The following ENPP3 variants were observed in gnomAD, a reference collection of about 807,000 sequenced individuals.
ENPP3 encodes the protein ectonucleotide pyrophosphatase/phosphodiesterase 3, also known as ectonucleotide pyrophosphatase/phosphodiesterase family member 3.
In ENPP3, 104 loss-of-function variants were observed where a neutral mutation model predicts 117.8. The ratio of observed to expected loss-of-function variants is 0.88; its 90% CI spans 0.75 to 1.04. ENPP3 has a LOEUF of 1.04. Among genes scored for constraint, ENPP3 ranks in the 50% least tolerant of loss-of-function variants. The pLI is 0.00. For synonymous variants in ENPP3, 380 were observed against 349.9 expected (o/e 1.09, Z -0.96); for missense variants, 1,026 against 1,051.9 (o/e 0.98, Z 0.34).
intron 2 of ENPP3, among the ~76,000 whole-genome samples, chr6:131,641,997 AT>A (rs1295071491): frequency 1.3e-5 from 2 of 151,026 alleles, no homozygotes; most frequent in African/African-American, 4.9e-5. Flanking sequence ...GTTTCACTAC[AT>A]TGCCCAGGCT....
At chr6:131,726,226 T>C (rs746801311) in intron 20 of ENPP3, 26 bp downstream of exon 20, 14 of 1,597,540 alleles carry the variant, frequency 8.8e-6, no homozygotes, top group Non-Finnish European at 9.4e-6. Context: ...CATTGATCCA[T>C]GCAGGCAAGA....
chr6:131,701,994 C>T (rs538168354), intron 15 of ENPP3, among the ~76,000 whole-genome samples: 117 of 151,718 alleles, frequency 7.7e-4, no homozygotes, highest in Non-Finnish European at 1.3e-3. Context: ...ATAAACATGT[C>T]ACATATTAAT....
At chr6:131,678,907 CTCTTTCTTTCTTTCTTTCTTTCTTTCTT>C (rs60304793) in intron 11 of ENPP3, among the ~76,000 whole-genome samples, 827 of 71,726 alleles carry the variant, frequency 0.012, 49 homozygotes, top group African/African-American at 0.041. Flanking sequence ...CTTTCTTTCT[CTCTTTCTTTCTTTCTTTCTTTCTTTCTT>C]TCTTTCTTTC....
chr6:131,730,437 C>T (rs1309421751), intron 20 of ENPP3, among the ~76,000 whole-genome samples: 1 of 152,162 alleles, frequency 6.6e-6, no homozygotes, highest in East Asian at 1.9e-4. Context: ...TTAGCACAAA[C>T]GTCTTCGTAT....
In ENPP3 at chr6:131,746,926, A is replaced by G. The variant is rs779911240; in HGVS notation, c.2598A>G (p.Thr866=). The stretch of plus-strand genomic sequence containing the variant: ...TCTCTGAAATTTTGCAACTAAAGAC[A>G]TATTTACCAACATTTGAAACCACTA... The part of the protein sequence containing the change: ...QPVSEILQLK[T]YLPTFETTI The change falls in exon 25 of 25, where the codon ACA becomes ACG. Residue 866 remains threonine, a synonymous_variant. Transcript: ENST00000357639. 2 of 1,606,892 alleles carry G rather than the reference A, an allele frequency of 1.2e-6. No individual in the cohort carries two copies. Among genetic ancestry groups the G allele is most frequent in the Admixed American group, 3.4e-5 (2 of 59,376 alleles).
At chr6:131,684,146 G>T (rs1779095839) in intron 12 of ENPP3, among the ~76,000 whole-genome samples, 1 of 152,150 alleles carries the variant, frequency 6.6e-6, no homozygotes, top group Non-Finnish European at 1.5e-5. Flanking sequence ...CTGTCTTCTT[G>T]AGGAGGACGT....
chr6:131,701,368 G>T, intron 15 of ENPP3: 1 of 1,613,948 alleles, frequency 6.2e-7, no homozygotes, highest in Non-Finnish European at 8.5e-7. Context: ...CCCAGTAGGA[G>T]GAACTCTCTG....
intron 24 of ENPP3, among the ~76,000 whole-genome samples, chr6:131,741,566 G>A (rs1469837250): frequency 1.3e-5 from 2 of 152,166 alleles, no homozygotes; most frequent in Non-Finnish European, 2.9e-5. Context: ...AGTATATTGA[G>A]AAGACTACAA....
chr6:131,701,388 A>G (rs867133062), intron 15 of ENPP3: 2 of 1,613,972 alleles, frequency 1.2e-6, no homozygotes, highest in Middle Eastern at 3.3e-4. Flanking sequence ...GATGGATGTT[A>G]TATTGTCTCC....
intron 9 of ENPP3, 149 bp downstream of exon 9, chr6:131,675,338 A>G: frequency 3.4e-6 from 2 of 596,744 alleles, no homozygotes; most frequent in Non-Finnish European, 3.0e-6. Context: ...ATGTCACTCA[A>G]GCAGTCTCTC....
intron 6 of ENPP3, among the ~76,000 whole-genome samples, chr6:131,662,200 G>A (rs1778516958): frequency 6.6e-6 from 1 of 151,584 alleles, no homozygotes; most frequent in African/African-American, 2.4e-5. Context: ...TTGAAGATCG[G>A]TTGACCATAT....
intron 15 of ENPP3, among the ~76,000 whole-genome samples, chr6:131,711,862 AG>A (rs1779797940): frequency 8.3e-6 from 1 of 120,592 alleles, no homozygotes; most frequent in African/African-American, 4.7e-5. Context: ...ACATTATCAC[AG>A]TCAATTGGTA....
chr6:131,665,399 A>G (rs9483312), intron 6 of ENPP3, among the ~76,000 whole-genome samples: 13,395 of 152,084 alleles, frequency 0.088, 1,406 homozygotes, highest in African/African-American at 0.25. Context: ...GAGGATTTTA[A>G]TTATTGATTC....
chr6:131,664,678 A>G (rs945701082), intron 6 of ENPP3, among the ~76,000 whole-genome samples: 2 of 152,142 alleles, frequency 1.3e-5, no homozygotes, highest in African/African-American at 4.8e-5. Context: ...TTCACTGTAC[A>G]TTTTCTATAT....
chr6:131,688,896 CAAAAAAAAAAAA>C (rs34743742), intron 14 of ENPP3, among the ~76,000 whole-genome samples: 2 of 88,300 alleles, frequency 2.3e-5, no homozygotes, highest in Non-Finnish European at 2.6e-5. Flanking sequence ...ACTAAAAATC[CAAAAAAAAAAAA>C]AAAAAAAAAT....
At chr6:131,646,288 G>T (rs1778151368) in intron 2 of ENPP3, among the ~76,000 whole-genome samples, 1 of 148,812 alleles carries the variant, frequency 6.7e-6, no homozygotes. Context: ...GTGTGTGTGT[G>T]TGTGTGTGTG....
chr6:131,733,683 A>G lies in ENPP3; in HGVS notation c.2049A>G (p.Leu683=). The G allele has an allele frequency of 6.2e-7, 1 of 1,614,104 alleles. No homozygotes were observed. The highest frequency in any genetic ancestry group is 8.5e-7 in the Non-Finnish European group (1 of 1,179,986). ...PSESQKCSFY[L]ADKNITHGFL... ...AGAGCCAAAAATGTTCCTTCTATTT[A>G]GCAGACAAGAATATCACCCACGGCT... Residue 683 remains leucine (L), a synonymous_variant, in exon 21 of 25, where the codon TTA becomes TTG. Transcript: ENST00000357639.
chr6:131,657,094 G>A (rs1468031687), intron 5 of ENPP3, among the ~76,000 whole-genome samples: 2 of 152,106 alleles, frequency 1.3e-5, no homozygotes, highest in Non-Finnish European at 2.9e-5. Flanking sequence ...CATGCGAATT[G>A]CAGTAGGCCA....
rs1779992278 is a variant in ENPP3, at chr6:131,720,499, TA to T, written c.1567+126del. On this transcript the variant is annotated intron_variant, in intron 17 of 24. Transcript: ENST00000357639. Reference sequence around the variant, plus strand: ...TGCTCTGTAGTGAGAAGGCAGAAAGTAAAAAAGATAAGGAAGAATTATTCAT... The same window carrying T: ...TGCTCTGTAGTGAGAAGGCAGAAAGTAAAAAGATAAGGAAGAATTATTCAT... The T allele has an allele frequency of 2.3e-5, 12 of 518,174 alleles. No homozygotes were observed. In the South Asian group the frequency reaches 3.9e-4, roughly 17 times the overall value. 32.1% of individuals were successfully genotyped at this position (518,174 alleles called of 1,614,324 possible).
Sources: allele counts gnomAD v4.1 joint callset (sites outside exome capture counted in the v4.1 genomes callset), GRCh38; gene constraint gnomAD v4.1.1; transcripts MANE v1.5; gene names NCBI Gene and HGNC (gene_info 2026-07-23, HGNC 2026-07-21).